The following KSR1 variants were observed in gnomAD, a reference collection of about 807,000 sequenced individuals.
KSR1 encodes the protein kinase suppressor of ras 1, also known as kinase suppressor of ras.
In KSR1, 35 loss-of-function variants were observed where a neutral mutation model predicts 92.9. The observed-to-expected ratio is 0.38, with a 90% CI of 0.29 to 0.50. The LOEUF (loss-of-function observed/expected upper bound fraction) is 0.50. Ranked by LOEUF, KSR1 falls within the 20% of genes least tolerant of loss-of-function variation. The pLI is 0.94. For synonymous variants in KSR1, 467 were observed against 472.6 expected, an observed-to-expected ratio of 0.99 and a Z score of 0.15; for missense variants, 972 against 1,158.5, an observed-to-expected ratio of 0.84 and a Z score of 2.34.
intron 1 of KSR1, among the ~76,000 whole-genome samples, chr17:27,458,793 C>A: frequency 6.6e-6 from 1 of 152,060 alleles, no homozygotes; most frequent in Non-Finnish European, 1.5e-5. Flanking sequence ...AATTTAGACC[C>A]CTGGAGTGAG....
chr17:27,582,299 C>G (rs998366329), intron 3 of KSR1, among the ~76,000 whole-genome samples: 18 of 152,294 alleles, frequency 1.2e-4, no homozygotes, highest in Non-Finnish European at 1.8e-4. Context: ...CCTACCTGTT[C>G]AGCATTCCCC....
At chr17:27,533,432 G>A (rs1263298869) in intron 1 of KSR1, among the ~76,000 whole-genome samples, 1 of 150,976 alleles carries the variant, frequency 6.6e-6, no homozygotes, top group African/African-American at 2.4e-5. Flanking sequence ...TCACCAGGCT[G>A]GAGTGCAGTG....
At chr17:27,622,039 G>A in intron 20 of KSR1, 1 of 1,032,320 alleles carries the variant, frequency 9.7e-7, no homozygotes, top group Non-Finnish European at 1.5e-6. Flanking sequence ...ACTAACCCAG[G>A]GGATGCCACC....
intron 1 of KSR1, among the ~76,000 whole-genome samples, chr17:27,471,026 C>T (rs559357210): frequency 9.7e-4 from 148 of 152,224 alleles, no homozygotes; most frequent in Non-Finnish European, 1.7e-3. Flanking sequence ...ACGCACACTA[C>T]ACCCAGCTAA....
At chr17:27,583,127 C>T in intron 4 of KSR1, 22 bp downstream of exon 4, 4 of 1,464,332 alleles carry the variant, frequency 2.7e-6, no homozygotes, top group South Asian at 1.4e-5. Context: ...TTCTGGGCAG[C>T]TACCAAAAGT....
At chr17:27,527,708 G>GCA (rs1029156792) in intron 1 of KSR1, among the ~76,000 whole-genome samples, 1 of 152,102 alleles carries the variant, frequency 6.6e-6, no homozygotes, top group African/African-American at 2.4e-5. Flanking sequence ...CTTGTTTGGG[G>GCA]CACAAATCAG....
At chr17:27,487,582 CT>C (rs1332858052) in intron 1 of KSR1, among the ~76,000 whole-genome samples, 3 of 67,770 alleles carry the variant, frequency 4.4e-5, no homozygotes, top group African/African-American at 6.8e-5. Context: ...AACCCCATCT[CT>C]TTTAAAAAAA....
intron 5 of KSR1, among the ~76,000 whole-genome samples, chr17:27,586,835 C>T (rs1220416299): frequency 2.6e-5 from 4 of 152,166 alleles, no homozygotes; most frequent in Admixed American, 2.6e-4. Flanking sequence ...TCTGTTTCTC[C>T]TAGGCTGGTA....
At chr17:27,545,056 C>T (rs1399805551) in intron 1 of KSR1, among the ~76,000 whole-genome samples, 1 of 152,230 alleles carries the variant, frequency 6.6e-6, no homozygotes, top group East Asian at 1.9e-4. Context: ...GTAGCTGGGT[C>T]GTGCTGCACT....
chr17:27,579,830 C>CGT (rs2072667731), intron 3 of KSR1: 1 of 123,512 alleles, frequency 8.1e-6, no homozygotes, highest in Non-Finnish European at 1.6e-5. Flanking sequence ...GAGCCAAGAT[C>CGT]ATACCACTGC....
chr17:27,537,441 C>T (rs2070789350), intron 1 of KSR1, among the ~76,000 whole-genome samples: 1 of 152,188 alleles, frequency 6.6e-6, no homozygotes, highest in African/African-American at 2.4e-5. Flanking sequence ...CCTGTAATCC[C>T]AGCACTTTGG....
intron 4 of KSR1, chr17:27,584,014 G>A: frequency 1.0e-6 from 1 of 976,168 alleles, no homozygotes. Flanking sequence ...TCGTTGTATA[G>A]TTTATCTTGT....
At chr17:27,492,572 C>T (rs1430641071) in intron 1 of KSR1, among the ~76,000 whole-genome samples, 1 of 152,166 alleles carries the variant, frequency 6.6e-6, no homozygotes, top group African/African-American at 2.4e-5. Flanking sequence ...CTCAGGGGAT[C>T]AAAAGAGGTG....
At chr17:27,525,990 A>G (rs1212899176) in intron 1 of KSR1, among the ~76,000 whole-genome samples, 2 of 42,658 alleles carry the variant, frequency 4.7e-5, no homozygotes, top group Non-Finnish European at 9.2e-5. Flanking sequence ...AACTGCAACT[A>G]ACTTTTCTTT....
intron 2 of KSR1, among the ~76,000 whole-genome samples, chr17:27,569,921 A>G (rs1398517627): frequency 6.6e-6 from 1 of 152,226 alleles, no homozygotes; most frequent in Non-Finnish European, 1.5e-5. Flanking sequence ...CAGCCACAGG[A>G]CAAGCTTTCC....
intron 2 of KSR1, among the ~76,000 whole-genome samples, chr17:27,576,890 G>A (rs1598062394): frequency 6.6e-6 from 1 of 152,142 alleles, no homozygotes; most frequent in South Asian, 2.1e-4. Context: ...TTAAAATTCT[G>A]CCTGCCACTT....
chr17:27,596,152 T>C (rs748881621), intron 9 of KSR1, among the ~76,000 whole-genome samples: 1 of 152,226 alleles, frequency 6.6e-6, no homozygotes, highest in Non-Finnish European at 1.5e-5. Context: ...AAAGTAATCA[T>C]TAAAACAAGC....
At chr17:27,545,510 A>C (rs1187915961) in intron 1 of KSR1, among the ~76,000 whole-genome samples, 2 of 152,100 alleles carry the variant, frequency 1.3e-5, no homozygotes, top group Non-Finnish European at 2.9e-5. Flanking sequence ...GCATGGCAAG[A>C]CCCCATCTCT....
rs961030629 is a variant in KSR1, at chr17:27,571,358, C to T, written c.373-6134C>T. Among the ~76,000 whole-genome samples, 3 of 152,246 alleles carry T rather than the reference C, an allele frequency of 2.0e-5. No individual in the cohort carries two copies. The East Asian group carries it at 5.8e-4, about 29-fold the overall frequency. ...TCTCACTCCTCCCTCTCCATGAGCC[C>T]CAATGGTGGGTGCAGGTAGGAGAAA... On this transcript the variant is annotated intron_variant, in intron 2 of 20. Coordinates refer to ENST00000644974, the MANE Select transcript of KSR1 (RefSeq NM_001394583.1).
Sources: allele counts gnomAD v4.1 joint callset (sites outside exome capture counted in the v4.1 genomes callset), GRCh38; gene constraint gnomAD v4.1.1; transcripts MANE v1.5; gene names NCBI Gene and HGNC (gene_info 2026-07-23, HGNC 2026-07-21).